Variants in SHISA9 observed in about 807,000 individuals in gnomAD.
SHISA9 encodes the protein shisa family member 9.
In SHISA9, 13 loss-of-function variants were observed where a neutral mutation model predicts 38.0. The observed-to-expected ratio is 0.34, with a 90% CI of 0.22 to 0.54. SHISA9 has a LOEUF of 0.54. SHISA9 is among the 20% of genes least tolerant of loss of function. SHISA9 has a pLI of 0.91. For synonymous variants in SHISA9, 275 were observed against 242.0 expected, an observed-to-expected ratio of 1.14 and a Z score of -1.27; for missense variants, 538 against 575.8, an observed-to-expected ratio of 0.93 and a Z score of 0.67.
chr16:13,252,757 G>A, the SHISA9 span, among the ~76,000 whole-genome samples: 8 of 152,136 alleles, frequency 5.3e-5, no homozygotes, highest in Non-Finnish European at 1.0e-4. Flanking sequence ...GCTCCATGGG[G>A]GTAGAAATCT....
the SHISA9 span, among the ~76,000 whole-genome samples, chr16:13,536,567 A>G: frequency 6.6e-6 from 1 of 152,212 alleles, no homozygotes; most frequent in African/African-American, 2.4e-5. Flanking sequence ...CACACAAAGC[A>G]AGGGCACCCA....
intron 3 of SHISA9, among the ~76,000 whole-genome samples, chr16:13,213,043 G>C (rs1247304312): frequency 2.0e-5 from 3 of 152,116 alleles, no homozygotes; most frequent in Non-Finnish European, 4.4e-5. Flanking sequence ...GGGTGTTAAC[G>C]TGAGGCTGCT....
At chr16:13,555,230 T>C in the SHISA9 span, among the ~76,000 whole-genome samples, 1 of 152,226 alleles carries the variant, frequency 6.6e-6, no homozygotes, top group South Asian at 2.1e-4. Flanking sequence ...AAGCACTTTA[T>C]AAATTTTAAC....
chr16:12,928,437 G>C (rs1270609819), intron 2 of SHISA9, among the ~76,000 whole-genome samples: 1 of 152,032 alleles, frequency 6.6e-6, no homozygotes, highest in African/African-American at 2.4e-5. Context: ...CTTCCCTTAA[G>C]GTACACAACC....
chr16:13,362,654 C>T, the SHISA9 span, among the ~76,000 whole-genome samples: 16 of 152,262 alleles, frequency 1.1e-4, no homozygotes, highest in African/African-American at 2.9e-4. Flanking sequence ...TTTTATGAAG[C>T]ACTTCATCCC....
At chr16:13,276,282 T>TATATAG in the SHISA9 span, among the ~76,000 whole-genome samples, 89 of 147,600 alleles carry the variant, frequency 6.0e-4, no homozygotes, top group African/African-American at 2.3e-3. Flanking sequence ...CCATCATATA[T>TATATAG]ATATATAGCA....
chr16:13,043,268 A>T (rs1170478480), intron 2 of SHISA9, among the ~76,000 whole-genome samples: 1 of 152,154 alleles, frequency 6.6e-6, no homozygotes, highest in African/African-American at 2.4e-5. Context: ...GGAAGTGGAT[A>T]TATCAGTTCC....
At chr16:13,042,104 G>A (rs921245410) in intron 2 of SHISA9, among the ~76,000 whole-genome samples, 2 of 152,182 alleles carry the variant, frequency 1.3e-5, no homozygotes, top group Non-Finnish European at 2.9e-5. Flanking sequence ...AGGCAGTTCT[G>A]TATTGTAATA....
chr16:13,081,777 G>C (rs772876306), intron 2 of SHISA9, among the ~76,000 whole-genome samples: 1 of 151,788 alleles, frequency 6.6e-6, no homozygotes, highest in African/African-American at 2.4e-5. Context: ...GCTTGAACCC[G>C]GGAGGCAGAG....
intron 2 of SHISA9, among the ~76,000 whole-genome samples, chr16:12,977,768 GA>G (rs1473299121): frequency 2.6e-5 from 4 of 152,034 alleles, no homozygotes; most frequent in Non-Finnish European, 5.9e-5. Flanking sequence ...GCTGAACAAT[GA>G]GAACACATGG....
intron 2 of SHISA9, among the ~76,000 whole-genome samples, chr16:13,096,506 T>G (rs2073829433): frequency 6.6e-6 from 1 of 152,166 alleles, no homozygotes. Flanking sequence ...AGGATCCTGA[T>G]GCAAGACTCA....
intron 2 of SHISA9, among the ~76,000 whole-genome samples, chr16:13,132,129 C>G (rs1214876862): frequency 1.3e-5 from 2 of 152,074 alleles, no homozygotes; most frequent in African/African-American, 4.8e-5. Context: ...TCCAATAGGC[C>G]AGAGTGGTAA....
chr16:13,384,559 G>A, the SHISA9 span, among the ~76,000 whole-genome samples: 8 of 152,156 alleles, frequency 5.3e-5, no homozygotes, highest in Non-Finnish European at 8.8e-5. Flanking sequence ...CAAGAGCCAG[G>A]AAGCAATGGT....
intron 2 of SHISA9, among the ~76,000 whole-genome samples, chr16:12,958,282 C>G (rs1043848994): frequency 2.6e-5 from 4 of 152,198 alleles, no homozygotes; most frequent in African/African-American, 9.7e-5. Context: ...TGTTGGACAT[C>G]TAGGTTGCTT....
the SHISA9 span, among the ~76,000 whole-genome samples, chr16:13,468,721 A>C: frequency 6.6e-6 from 1 of 152,166 alleles, no homozygotes; most frequent in Non-Finnish European, 1.5e-5. Context: ...TCACATCTGC[A>C]ATCCCAGCAC....
At chr16:13,053,760 G>A (rs1490944751) in intron 2 of SHISA9, among the ~76,000 whole-genome samples, 3 of 152,166 alleles carry the variant, frequency 2.0e-5, no homozygotes, top group African/African-American at 7.2e-5. Flanking sequence ...CATATGGGAC[G>A]TGGCTTCCTG....
At chr16:13,113,825 G>C (rs1400894175) in intron 2 of SHISA9, among the ~76,000 whole-genome samples, 2 of 152,166 alleles carry the variant, frequency 1.3e-5, no homozygotes, top group African/African-American at 4.8e-5. Flanking sequence ...GGACAAAAAG[G>C]GTTTTTGGTA....
the SHISA9 span, among the ~76,000 whole-genome samples, chr16:13,442,596 C>G: frequency 6.6e-6 from 1 of 152,270 alleles, no homozygotes; most frequent in Admixed American, 6.5e-5. Context: ...TGAGCCATCT[C>G]ACCCAGCAAA....
the SHISA9 span, among the ~76,000 whole-genome samples, chr16:13,247,631 G>C: frequency 6.6e-6 from 1 of 152,200 alleles, no homozygotes; most frequent in African/African-American, 2.4e-5. Flanking sequence ...TGTCTTCACT[G>C]TCAGCTTGGC....
Sources: allele counts gnomAD v4.1 joint callset (sites outside exome capture counted in the v4.1 genomes callset), GRCh38; gene constraint gnomAD v4.1.1; transcripts MANE v1.5; gene names NCBI Gene and HGNC (gene_info 2026-07-23, HGNC 2026-07-21).